VPS33B: variants seen among roughly 807,000 people sequenced by gnomAD.
VPS33B encodes vacuolar protein sorting-associated protein 33B.
In VPS33B, 80 loss-of-function variants were observed where a neutral mutation model predicts 95.3. That is an observed-to-expected ratio of 0.84 (90% CI 0.70 to 1.01). The LOEUF (loss-of-function observed/expected upper bound fraction) is 1.01, where lower values mean the gene tolerates loss of function less well. VPS33B is among the 50% of genes least tolerant of loss of function. VPS33B has a pLI of 0.00. For missense variants in VPS33B, 715 were observed against 773.4 expected (o/e 0.92, Z 0.90); for synonymous variants, 280 against 280.4 (o/e 1.00, Z 0.01).
At position 91,022,476 on chromosome 15, in the gene VPS33B, G is replaced by A; in HGVS notation, c.-227C>T. The A allele has an allele frequency of 2.1e-6, 1 of 470,722 alleles. No individual in the cohort carries two copies. The highest frequency in any genetic ancestry group is 3.8e-6 in the Non-Finnish European group (1 of 260,912). The allele number at this position is 470,722 out of a possible 1,614,324, so 29.2% of individuals were successfully genotyped here. A position where few individuals can be genotyped will look rare whatever the true frequency, so the allele number is the denominator to read the frequency against. ...CTTGTCTCAGACCTGCAGCCACCGT[G>A]TCTCGACCCTCCCTCCCTGATCCAC... On this transcript the variant is annotated 5_prime_UTR_variant, in exon 1 of 23. Transcript: ENST00000333371.
In VPS33B at chr15:91,007,473, G is replaced by A. The variant is rs2040645059; in HGVS notation, c.599C>T (p.Ala200Val). The A allele has an allele frequency of 1.9e-6, 3 of 1,614,190 alleles. No individual in the cohort carries two copies. The highest frequency in any genetic ancestry group is 2.5e-6 in the Non-Finnish European group (3 of 1,180,004). The change falls in exon 8 of 23, where the codon GCC (alanine) becomes GTC (valine). Residue 200 changes from alanine (A) to valine (V), a missense_variant. Physicochemically the swap from Ala to Val is moderately conservative, Grantham distance 64 (BLOSUM62 0). Coordinates refer to ENST00000333371, the MANE Select transcript of VPS33B (RefSeq NM_018668.5). This position sits in a 1 kb window ranked among gnomAD's most constrained non-coding sequence, Gnocchi z 5.3. ...FPNCYGIGRCAKMAYELWRNL... is the reference protein window; with the variant it reads ...FPNCYGIGRCVKMAYELWRNL... ...CAGTACTGCTAGTGCTCTTACCTTG[G>A]CGCACCTGCCAATTCCATAGCAGTT...
At chr15:91,001,137 GAAACCTTGTCTCTACTAA>G in intron 19 of VPS33B, 1 of 412,558 alleles carries the variant, frequency 2.4e-6, no homozygotes, top group Non-Finnish European at 4.5e-6. Flanking sequence ...CCAACATGGG[GAAACCTTGTCTCTACTAA>G]AAATACAAAA....
rs938993373 is a variant in VPS33B at position 91,010,070 on chromosome 15, T to C, written c.358-224A>G. The stretch of plus-strand genomic sequence containing the variant: ...TTATGTTTGAGTAAATTGCTTCTTA[T>C]CTCCCTGAGAGAATGGAAGAGGTTT... On this transcript the variant is annotated intron_variant, in intron 5 of 22. Coordinates refer to ENST00000333371, the MANE Select transcript of VPS33B (RefSeq NM_018668.5). The surrounding 1 kb of genome is among the most constrained non-coding windows in gnomAD (Gnocchi z 5.7). Among the ~76,000 whole-genome samples the C allele has an allele frequency of 2.6e-5, 4 of 152,186 alleles. No individual in the cohort carries two copies. Among genetic ancestry groups the C allele is most frequent in the African/African-American group, 9.7e-5 (4 of 41,444 alleles).
chr15:91,006,564 T>G lies in VPS33B; in HGVS notation c.778+88A>C. The G allele has an allele frequency of 6.2e-7, 1 of 1,606,532 alleles. No individual in the cohort carries two copies. Among genetic ancestry groups the G allele is most frequent in the Non-Finnish European group, 8.5e-7 (1 of 1,173,146 alleles). On this transcript the variant is annotated intron_variant, in intron 10 of 22. Transcript: ENST00000333371. The surrounding 1 kb of genome is among the most constrained non-coding windows in gnomAD (Gnocchi z 5.4). ...GCCAGCAGTTCATTCAGGGTCTGGG[T>G]CTCTCCCACAAACCCTGCCCCACGT... is the stretch of plus-strand genomic sequence containing the variant.
chr15:91,002,066 C>CACCAGCTTGCTCACTTTACTCTCCA lies in VPS33B; in HGVS notation c.1364_1388dup (p.Thr464GlyfsTer3). On this transcript the variant is annotated stop_gained and frameshift_variant, in exon 18 of 23. Coordinates refer to ENST00000333371, the MANE Select transcript of VPS33B (RefSeq NM_018668.5). LOFTEE classifies it high-confidence loss of function. This position sits in a 1 kb window ranked among gnomAD's most constrained non-coding sequence, Gnocchi z 4.7. ...CCTGCTTACCTGCAGCCTTGTCGGT[C>CACCAGCTTGCTCACTTTACTCTCCA]ACCAGCTTGCTCACTTTACTCTCCA... is the stretch of plus-strand genomic sequence containing the variant. 1.2e-6 allele frequency: 2 copies of CACCAGCTTGCTCACTTTACTCTCCA among 1,614,066 alleles called. No homozygotes were observed. Among genetic ancestry groups the CACCAGCTTGCTCACTTTACTCTCCA allele is most frequent in the East Asian group, 4.5e-5 (2 of 44,878 alleles).
rs1046418367 is a variant in VPS33B, at chr15:90,998,714, A to T, written c.*261T>A. 1.1e-4 allele frequency: 63 copies of T among 550,258 alleles called. No homozygotes were observed. Among genetic ancestry groups the T allele is most frequent in the Non-Finnish European group, 1.6e-4 (49 of 304,840 alleles). 34.1% of individuals were successfully genotyped at this position (550,258 alleles called of 1,614,324 possible). A position where few individuals can be genotyped will look rare whatever the true frequency, so the allele number is the denominator to read the frequency against. ...AGGCTTTATTTACAATGACATTCAAACAGGATTTAGCAAAGGATGCCTCTT... is the reference window on the plus strand; with the variant it reads ...AGGCTTTATTTACAATGACATTCAATCAGGATTTAGCAAAGGATGCCTCTT... On this transcript the variant is annotated 3_prime_UTR_variant, in exon 23 of 23. Coordinates refer to ENST00000333371, the MANE Select transcript of VPS33B (RefSeq NM_018668.5). This position sits in a 1 kb window ranked among gnomAD's most constrained non-coding sequence, Gnocchi z 4.8.
At chr15:91,020,459 A>G (rs529599237) in intron 1 of VPS33B, among the ~76,000 whole-genome samples, 1 of 152,326 alleles carries the variant, frequency 6.6e-6, no homozygotes, top group East Asian at 1.9e-4. Flanking sequence ...AGTGGGCTCA[A>G]GTTTCTCTTC....
rs762067746 is a variant in VPS33B, at chr15:91,014,376, A to G, written c.289+8T>C. On this transcript the variant is annotated splice_region_variant and intron_variant, in intron 4 of 22. Transcript: ENST00000333371. ...CCACAGTTACACATAGTACCATGGC[A>G]CACTCACTGGCAATGTATCGCATAT... 3.1e-6 allele frequency: 5 copies of G among 1,614,132 alleles called. No homozygotes were observed. The highest frequency in any genetic ancestry group is 4.2e-6 in the Non-Finnish European group (5 of 1,180,010).
chr15:91,004,932 C>A lies in VPS33B; in HGVS notation c.1171-1G>T. 1 of 1,614,200 alleles carries A rather than the reference C, an allele frequency of 6.2e-7. No homozygotes were observed. Among genetic ancestry groups the A allele is most frequent in the Non-Finnish European group, 8.5e-7 (1 of 1,180,038 alleles). On this transcript the variant is annotated splice_acceptor_variant, in intron 15 of 22. Transcript: ENST00000333371. LOFTEE classifies it high-confidence loss of function. Reference sequence around the variant, plus strand: ...GGCGCAGGCTTTCTATAGGCGACACCTGCATAGGAAGAAAGAATCAAGGAG... The same window carrying A: ...GGCGCAGGCTTTCTATAGGCGACACATGCATAGGAAGAAAGAATCAAGGAG...
Position 91,013,717 on chromosome 15 carries a change from AG to A in VPS33B, c.357+86del, listed in dbSNP as rs2040843373. ...ACAGCAACAGAAAACGAACGGAGACAGGGAGGTAGTGCTGTTGGCCCCTTAC... is the reference window on the plus strand; with the variant it reads ...ACAGCAACAGAAAACGAACGGAGACAGGAGGTAGTGCTGTTGGCCCCTTAC... On this transcript the variant is annotated intron_variant, in intron 5 of 22. Transcript: ENST00000333371. This position sits in a 1 kb window ranked among gnomAD's most constrained non-coding sequence, Gnocchi z 4.5. 1.5e-6 allele frequency: 2 copies of A among 1,369,188 alleles called. No individual in the cohort carries two copies. Among genetic ancestry groups the A allele is most frequent in the Non-Finnish European group, 2.1e-6 (2 of 958,878 alleles). The allele number at this position is 1,369,188 out of a possible 1,614,324, so 84.8% of individuals were successfully genotyped here. A position where few individuals can be genotyped will look rare whatever the true frequency, so the allele number is the denominator to read the frequency against.
intron 19 of VPS33B, chr15:91,001,085 GT>G (rs1352681797): frequency 2.6e-6 from 1 of 379,982 alleles, no homozygotes; most frequent in Non-Finnish European, 5.0e-6. Context: ...GGAGGCCGAG[GT>G]GGGCGGATCA....
At position 91,005,605 on chromosome 15, in the gene VPS33B, G is replaced by A. The variant is rs2040578647; in HGVS notation, c.1030+89C>T. 6.3e-7 allele frequency: 1 copy of A among 1,579,682 alleles called. No homozygotes were observed. The highest frequency in any genetic ancestry group is 8.7e-7 in the Non-Finnish European group (1 of 1,148,634). On this transcript the variant is annotated intron_variant, in intron 13 of 22. Coordinates refer to ENST00000333371, the MANE Select transcript of VPS33B (RefSeq NM_018668.5). This position sits in a 1 kb window ranked among gnomAD's most constrained non-coding sequence, Gnocchi z 6.4. ...AAGACCATATGCATCAGATGAACAG[G>A]GATCTCCTCCTCGGGAGTAATGGTC...
In VPS33B at chr15:91,013,786, T is replaced by C; in HGVS notation, c.357+18A>G. 6.2e-7 allele frequency: 1 copy of C among 1,614,056 alleles called. No individual in the cohort carries two copies. The highest frequency in any genetic ancestry group is 8.5e-7 in the Non-Finnish European group (1 of 1,179,966). On this transcript the variant is annotated intron_variant, in intron 5 of 22. Coordinates refer to ENST00000333371, the MANE Select transcript of VPS33B (RefSeq NM_018668.5). The surrounding 1 kb of genome is among the most constrained non-coding windows in gnomAD (Gnocchi z 4.5). ...TCCTGTTCTACCTTATCCCACTTCC[T>C]CCAGGATCCAAACTCACCTTTTGAG...
In VPS33B at chr15:91,016,968, A is replaced by T; in HGVS notation, c.234T>A (p.Asn78Lys). The T allele has an allele frequency of 6.2e-7, 1 of 1,613,966 alleles. No homozygotes were observed. Among genetic ancestry groups the T allele is most frequent in the Non-Finnish European group, 8.5e-7 (1 of 1,179,940 alleles). ...AGACTCTCCCAGACACTCACTGTTCATTGGAGCTGAGGGCTGGCTTGTTCT... is the reference window on the plus strand; with the variant it reads ...AGACTCTCCCAGACACTCACTGTTCTTTGGAGCTGAGGGCTGGCTTGTTCT... The part of the protein sequence containing the change: ...KVENKPALSS[N>K]EQLCFLVRPR... Residue 78 changes from asparagine to lysine, a missense_variant, in exon 3 of 23, where the codon AAT (asparagine) becomes AAA (lysine). Physicochemically the swap from Asn to Lys is moderately conservative, Grantham distance 94 (BLOSUM62 0). Transcript: ENST00000333371.
At chr15:91,019,202 C>T (rs539343999) in intron 1 of VPS33B, among the ~76,000 whole-genome samples, 2 of 147,038 alleles carry the variant, frequency 1.4e-5, no homozygotes, top group African/African-American at 2.5e-5. Context: ...ACTGCAACCT[C>T]TGCCTCCCAG....
At chr15:91,008,135 C>T (rs2040669824) in intron 6 of VPS33B, among the ~76,000 whole-genome samples, 171 bp from the exon 7 acceptor site, 1 of 152,184 alleles carries the variant, frequency 6.6e-6, no homozygotes, top group Non-Finnish European at 1.5e-5. Context: ...ACAGTCCCTG[C>T]CCTTAAGGAG....
Position 91,006,103 on chromosome 15 carries a change from A to AT in VPS33B, c.853-45dup, listed in dbSNP as rs2040595671. 1 of 1,601,182 alleles carries AT rather than the reference A, an allele frequency of 6.2e-7. No individual in the cohort carries two copies. The highest frequency in any genetic ancestry group is 8.6e-7 in the Non-Finnish European group (1 of 1,169,458). ...AAGAACAGCTTACTCTGTCAGAACC[A>AT]TAACTTAGCAGTAGAATGACAGTAC... On this transcript the variant is annotated intron_variant, in intron 11 of 22. Coordinates refer to ENST00000333371, the MANE Select transcript of VPS33B (RefSeq NM_018668.5). This position sits in a 1 kb window ranked among gnomAD's most constrained non-coding sequence, Gnocchi z 5.4.
rs2151674274 is a variant in VPS33B at position 91,009,448 on chromosome 15, A to C, written c.403+353T>G. 6.6e-6 allele frequency among the ~76,000 whole-genome samples: 1 copy of C among 151,982 alleles called. No homozygotes were observed. Among genetic ancestry groups the C allele is most frequent in the African/African-American group, 2.4e-5 (1 of 41,442 alleles). Reference sequence around the variant, plus strand: ...CAGCCTCCCGAGTAGCTGGGATTACAAGCGTGCGCCATCACGCCCAGCTAA... The same window carrying C: ...CAGCCTCCCGAGTAGCTGGGATTACCAGCGTGCGCCATCACGCCCAGCTAA... On this transcript the variant is annotated intron_variant, in intron 6 of 22. Transcript: ENST00000333371. The surrounding 1 kb of genome is among the most constrained non-coding windows in gnomAD (Gnocchi z 4.1).
chr15:91,000,485 C>T lies in VPS33B; in HGVS notation c.1581+5G>A, dbSNP rs1277488072. 1 of 1,611,596 alleles carries T rather than the reference C, an allele frequency of 6.2e-7. No homozygotes were observed. Among genetic ancestry groups the T allele is most frequent in the Non-Finnish European group, 8.5e-7 (1 of 1,178,452 alleles). On this transcript the variant is annotated splice_donor_5th_base_variant and intron_variant, in intron 20 of 22. Coordinates refer to ENST00000333371, the MANE Select transcript of VPS33B (RefSeq NM_018668.5). This position sits in a 1 kb window ranked among gnomAD's most constrained non-coding sequence, Gnocchi z 4.9. ...TGAATGGGAGCAAGAATTACATGCT[C>T]TCACCTGCTCAATGATTCGGCAGCT...
Sources: allele counts gnomAD v4.1 joint callset (sites outside exome capture counted in the v4.1 genomes callset), GRCh38; gene constraint gnomAD v4.1.1; non-coding constraint Gnocchi (gnomAD v3.1); transcripts MANE v1.5; gene names NCBI Gene and HGNC (gene_info 2026-07-23, HGNC 2026-07-21).